The following SLC44A5 variants were observed in gnomAD, a reference collection of about 807,000 sequenced individuals.
The protein encoded by SLC44A5 is choline transporter-like protein 5.
Under a neutral mutation model 101.8 loss-of-function variants are expected in SLC44A5, and 57 were observed. That is an observed-to-expected ratio of 0.56 (90% CI 0.45 to 0.70). SLC44A5 has a LOEUF of 0.70. Ranked by LOEUF, SLC44A5 falls within the 30% of genes least tolerant of loss-of-function variation. The probability of loss-of-function intolerance (pLI) is 0.00; values close to 1 mark genes in which losing one functional copy is unlikely to be tolerated. For synonymous variants in SLC44A5, 281 were observed against 290.9 expected, an observed-to-expected ratio of 0.97 and a Z score of 0.35; for missense variants, 737 against 853.1, an observed-to-expected ratio of 0.86 and a Z score of 1.70.
the SLC44A5 span, among the ~76,000 whole-genome samples, chr1:75,656,046 T>C: frequency 6.6e-6 from 1 of 152,158 alleles, no homozygotes; most frequent in African/African-American, 2.4e-5. Context: ...GGAGTTCCTA[T>C]ACATCTGGCA....
At chr1:75,635,135 C>T in the SLC44A5 span, among the ~76,000 whole-genome samples, 1 of 151,296 alleles carries the variant, frequency 6.6e-6, no homozygotes, top group African/African-American at 2.4e-5. Flanking sequence ...GTTAGAATGG[C>T]AATCATTAAA....
At chr1:75,220,010 A>T (rs1430092911) in intron 14 of SLC44A5, 118 bp from the exon 15 acceptor site, 1 of 558,300 alleles carries the variant, frequency 1.8e-6, no homozygotes, top group African/African-American at 2.0e-5. Flanking sequence ...TCATTCTGGC[A>T]TATTCTCAGT....
intron 2 of SLC44A5, among the ~76,000 whole-genome samples, chr1:75,415,314 T>C (rs1371999595): frequency 1.3e-5 from 2 of 152,150 alleles, no homozygotes; most frequent in South Asian, 2.1e-4. Flanking sequence ...CGAGATCTGA[T>C]GGGTTTAAAA....
intron 12 of SLC44A5, among the ~76,000 whole-genome samples, chr1:75,232,900 T>C (rs17096473): frequency 0.015 from 2,331 of 152,312 alleles, 77 homozygotes; most frequent in African/African-American, 0.054. Context: ...TGCATTCTTA[T>C]ATGTGCAAAG....
chr1:75,605,346 T>C (rs549412559), intron 1 of SLC44A5, among the ~76,000 whole-genome samples: 1 of 151,928 alleles, frequency 6.6e-6, no homozygotes, highest in Admixed American at 6.6e-5. Context: ...GAAGGTAGAG[T>C]TATTAAGAAT....
chr1:75,281,072 G>C (rs1474974295), intron 5 of SLC44A5, among the ~76,000 whole-genome samples: 1 of 151,992 alleles, frequency 6.6e-6, no homozygotes, highest in East Asian at 1.9e-4. Flanking sequence ...GGAAAATGTG[G>C]GACAGTTTGG....
At chr1:75,668,259 A>T in the SLC44A5 span, among the ~76,000 whole-genome samples, 18 of 149,728 alleles carry the variant, frequency 1.2e-4, no homozygotes, top group Admixed American at 2.0e-4. Flanking sequence ...TCAACTTGTT[A>T]TAATTATATT....
Position 75,203,520 on chromosome 1 carries a change from A to C in SLC44A5, c.*207T>G. The stretch of plus-strand genomic sequence containing the variant: ...CAAAACAAATGATCTTAGTATAAAA[A>C]TGTTTTATGTTATTAACAATTCCCT... On this transcript the variant is annotated 3_prime_UTR_variant, in exon 24 of 24. Coordinates refer to ENST00000370859, the MANE Select transcript of SLC44A5 (RefSeq NM_001130058.2). 2.5e-6 allele frequency: 1 copy of C among 407,928 alleles called. No homozygotes were observed. Among genetic ancestry groups the C allele is most frequent in the Non-Finnish European group, 4.2e-6 (1 of 236,968 alleles). The allele number at this position is 407,928 out of a possible 1,614,324, so 25.3% of individuals were successfully genotyped here.
chr1:75,711,411 G>A, the SLC44A5 span, among the ~76,000 whole-genome samples: 34 of 152,110 alleles, frequency 2.2e-4, no homozygotes, highest in Non-Finnish European at 3.4e-4. Flanking sequence ...CTTGTTGGTC[G>A]TATCAACTGA....
At chr1:75,477,085 T>C (rs1433869265) in intron 2 of SLC44A5, among the ~76,000 whole-genome samples, 10 of 152,186 alleles carry the variant, frequency 6.6e-5, no homozygotes, top group Non-Finnish European at 1.5e-4. Context: ...ACAGCAGCGT[T>C]CGCGGTTCAT....
At chr1:75,548,444 T>A (rs1671767837) in intron 1 of SLC44A5, among the ~76,000 whole-genome samples, 2 of 152,142 alleles carry the variant, frequency 1.3e-5, no homozygotes, top group Admixed American at 6.6e-5. Context: ...AAATAATAAT[T>A]TAAGCAATTT....
chr1:75,663,040 C>A, the SLC44A5 span, among the ~76,000 whole-genome samples: 1 of 152,078 alleles, frequency 6.6e-6, no homozygotes. Flanking sequence ...TCAGTTTATA[C>A]CTGACTATGA....
At chr1:75,215,699 C>T in intron 19 of SLC44A5, 55 bp downstream of exon 19, 1 of 1,045,842 alleles carries the variant, frequency 9.6e-7, no homozygotes, top group East Asian at 2.4e-5. Flanking sequence ...AATGTAGACA[C>T]AAGGTTTGGG....
At chr1:75,561,176 T>C (rs1012878493) in intron 1 of SLC44A5, among the ~76,000 whole-genome samples, 1 of 152,168 alleles carries the variant, frequency 6.6e-6, no homozygotes, top group African/African-American at 2.4e-5. Flanking sequence ...TCATAATCTG[T>C]CCTTTGTAAT....
At position 75,526,862 on chromosome 1, in the gene SLC44A5, C is replaced by T. The variant is rs142146659; in HGVS notation, c.13+14573G>A. On this transcript the variant is annotated intron_variant, in intron 2 of 23. Transcript: ENST00000370859. ...AAAAGAAAAGAAAAAAGGCTGGGTG[C>T]GGTGGCTCACACCTGTAATCCCAGC... Among the ~76,000 whole-genome samples, 1,130 of 152,178 alleles carry T rather than the reference C, an allele frequency of 7.4e-3. 9 individuals carry two copies. Among genetic ancestry groups the T allele is most frequent in the African/African-American group, 0.026 (1,083 of 41,510 alleles).
At chr1:75,641,755 A>C in the SLC44A5 span, 4 of 1,580,574 alleles carry the variant, frequency 2.5e-6, no homozygotes, top group African/African-American at 5.4e-5. Context: ...TTGCATAGGC[A>C]ACCACTTTGT....
intron 2 of SLC44A5, among the ~76,000 whole-genome samples, chr1:75,490,288 A>C (rs899691526): frequency 6.6e-6 from 1 of 152,138 alleles, no homozygotes; most frequent in African/African-American, 2.4e-5. Context: ...AGAATGCTAC[A>C]TTTAACCACT....
the SLC44A5 span, among the ~76,000 whole-genome samples, chr1:75,719,429 C>T: frequency 6.6e-6 from 1 of 151,894 alleles, no homozygotes; most frequent in Non-Finnish European, 1.5e-5. Flanking sequence ...ATAAATTGGT[C>T]CTAGTATAAT....
At chr1:75,412,124 CAG>C (rs1663319987) in intron 2 of SLC44A5, among the ~76,000 whole-genome samples, 1 of 152,118 alleles carries the variant, frequency 6.6e-6, no homozygotes. Flanking sequence ...ACTGTTCATG[CAG>C]AGACATAGTA....
Sources: allele counts gnomAD v4.1 joint callset (sites outside exome capture counted in the v4.1 genomes callset), GRCh38; gene constraint gnomAD v4.1.1; transcripts MANE v1.5; gene names NCBI Gene and HGNC (gene_info 2026-07-23, HGNC 2026-07-21).